Variants in IPO5 observed in about 807,000 individuals in gnomAD.
IPO5 encodes the protein importin-5.
IPO5 carries 18 observed loss-of-function variants against 143.3 expected under a neutral mutation model. That is an observed-to-expected ratio of 0.13 (90% CI 0.09 to 0.19). The LOEUF (loss-of-function observed/expected upper bound fraction) is 0.19, where lower values mean the gene tolerates loss of function less well. Ranked by LOEUF, IPO5 falls within the 10% of genes least tolerant of loss-of-function variation. The pLI is 1.00. For synonymous variants in IPO5, 477 were observed against 465.7 expected (o/e 1.02, Z -0.31); for missense variants, 1,013 against 1,336.9 (o/e 0.76, Z 3.78).
chr13:98,020,393 A>G (rs1351687136), intron 27 of IPO5, among the ~76,000 whole-genome samples: 1 of 152,258 alleles, frequency 6.6e-6, no homozygotes, highest in African/African-American at 2.4e-5. Context: ...TCAGGTTCAC[A>G]TAAGAAATGG....
chr13:97,995,191 T>TG (rs1232381545), intron 11 of IPO5, among the ~76,000 whole-genome samples: 2 of 148,600 alleles, frequency 1.3e-5, no homozygotes, highest in Non-Finnish European at 3.0e-5. Context: ...TTTTTTTTTT[T>TG]TTGTTTGTTT....
At chr13:97,990,343 A>G (rs1039899372) in intron 8 of IPO5, 90 bp from the exon 9 acceptor site, 5 of 1,177,688 alleles carry the variant, frequency 4.2e-6, no homozygotes, top group East Asian at 2.4e-5. Context: ...AGTTTTACTG[A>G]TAAAGAATAA....
chr13:97,996,099 CTTCT>C (rs1888262247), intron 11 of IPO5, among the ~76,000 whole-genome samples: 2 of 152,052 alleles, frequency 1.3e-5, no homozygotes, highest in South Asian at 2.1e-4. Context: ...TTGCTTTTTT[CTTCT>C]TTAAGATGGG....
chr13:97,966,014 T>G (rs1885298831), intron 2 of IPO5, among the ~76,000 whole-genome samples: 1 of 151,370 alleles, frequency 6.6e-6, no homozygotes, highest in Admixed American at 6.6e-5. Context: ...TGGTGGCTTG[T>G]GCCTTAATCC....
chr13:97,954,889 T>C (rs1362116831), intron 2 of IPO5, among the ~76,000 whole-genome samples: 1 of 152,206 alleles, frequency 6.6e-6, no homozygotes, highest in Non-Finnish European at 1.5e-5. Flanking sequence ...TTGTGTTAGC[T>C]TTCCAGTAGA....
rs534991412 is a variant in IPO5 at position 97,997,383 on chromosome 13, A to G, written c.914-148A>G. ...GCAAATATAACAAGGTTAAAATTTAACAAACCAGGTTTTGGGGGCACAGAC... is the reference window on the plus strand; with the variant it reads ...GCAAATATAACAAGGTTAAAATTTAGCAAACCAGGTTTTGGGGGCACAGAC... On this transcript the variant is annotated intron_variant, in intron 11 of 28. Transcript: ENST00000651721. 1.8e-5 allele frequency: 8 copies of G among 433,820 alleles called. No individual in the cohort carries two copies. The East Asian group carries it at 2.8e-4, about 15-fold the overall frequency. The allele number at this position is 433,820 out of a possible 1,614,324, so 26.9% of individuals were successfully genotyped here. A position where few individuals can be genotyped will look rare whatever the true frequency, so the allele number is the denominator to read the frequency against.
chr13:97,976,756 C>T lies in IPO5; in HGVS notation c.60C>T (p.Ser20=), dbSNP rs768918815. The T allele has an allele frequency of 2.1e-6, 3 of 1,416,640 alleles. No homozygotes were observed. In the South Asian group the frequency reaches 3.6e-5, roughly 17 times the overall value. The allele number at this position is 1,416,640 out of a possible 1,614,324, so 87.8% of individuals were successfully genotyped here. The part of the protein sequence containing the change: ...QFYLLLGNLL[S]PDNVVRKQAE... The stretch of plus-strand genomic sequence containing the variant: ...ACCTGCTCCTGGGAAACCTGCTCAG[C>T]CCCGACAATGTGGTCCGGAAACAGG... The change falls in exon 4 of 29, where the codon AGC becomes AGT. Residue 20 remains serine (S), a synonymous_variant. Coordinates refer to ENST00000651721, the MANE Select transcript of IPO5 (RefSeq NM_002271.6).
intron 2 of IPO5, among the ~76,000 whole-genome samples, chr13:97,961,450 G>C (rs1228676322): frequency 2.0e-5 from 3 of 152,150 alleles, no homozygotes; most frequent in African/African-American, 7.2e-5. Context: ...TCATGCCTCA[G>C]CCTCTCGAGT....
intron 22 of IPO5, among the ~76,000 whole-genome samples, chr13:98,014,749 A>C (rs547763652): frequency 4.6e-5 from 7 of 152,242 alleles, no homozygotes; most frequent in Non-Finnish European, 7.4e-5. Flanking sequence ...TGAATACTCT[A>C]GTATTTTAGT....
chr13:98,019,823 CTG>C lies in IPO5; in HGVS notation c.3065+17_3065+18del. ...CCTGATTGAAAGGTAGGAAAGCAGA[CTG>C]TGACCTTATTTCCTTCTCCTCCACA... On this transcript the variant is annotated intron_variant, in intron 27 of 28. Transcript: ENST00000651721. 1.3e-6 allele frequency: 2 copies of C among 1,544,810 alleles called. No homozygotes were observed. Among genetic ancestry groups the C allele is most frequent in the Non-Finnish European group, 8.9e-7 (1 of 1,117,524 alleles).
intron 2 of IPO5, among the ~76,000 whole-genome samples, chr13:97,955,815 C>T (rs1352942773): frequency 6.6e-6 from 1 of 152,090 alleles, no homozygotes; most frequent in Non-Finnish European, 1.5e-5. Context: ...CCTATACGCC[C>T]CACTCTGGAA....
At chr13:97,993,539 A>C (rs780518405) in intron 11 of IPO5, among the ~76,000 whole-genome samples, 3 of 152,240 alleles carry the variant, frequency 2.0e-5, no homozygotes, top group Admixed American at 6.5e-5. Context: ...CAGCGGGGAT[A>C]TATAGATGCA....
intron 12 of IPO5, among the ~76,000 whole-genome samples, chr13:97,998,663 C>G (rs1440466265): frequency 6.6e-6 from 1 of 152,164 alleles, no homozygotes; most frequent in South Asian, 2.1e-4. Flanking sequence ...AAACATAGCA[C>G]CTCTGAGCTC....
At chr13:98,009,782 A>T in intron 18 of IPO5, 99 bp from the exon 19 acceptor site, 2 of 899,760 alleles carry the variant, frequency 2.2e-6, no homozygotes, top group Non-Finnish European at 3.4e-6. Context: ...CTGTGAACAT[A>T]TCAATAAAAC....
In IPO5 at chr13:97,992,982, C is replaced by T. The variant is rs1887925745; in HGVS notation, c.760C>T (p.His254Tyr). Residue 254 changes from histidine to tyrosine, a missense_variant, in exon 10 of 29, where the codon CAC becomes TAC. Transcript: ENST00000651721. ...ADTVPKYLRP[H>Y]LEATLQLSLK... ...TACTGTTCCAAAGTATTTGCGTCCT[C>T]ACTTGGAAGCAACTCTACAGCTAAG... 2 of 1,613,500 alleles carry T rather than the reference C, an allele frequency of 1.2e-6. No individual in the cohort carries two copies. The highest frequency in any genetic ancestry group is 2.2e-5 in the South Asian group (2 of 91,020).
Position 97,990,527 on chromosome 13 carries a change from G to A in IPO5, c.659G>A (p.Gly220Glu), listed in dbSNP as rs1391472380. The change falls in exon 9 of 29, where the codon GGA becomes GAA. Residue 220 changes from glycine to glutamate, a missense_variant. By Grantham distance (98) the Gly-to-Glu change is moderately conservative. Coordinates refer to ENST00000651721, the MANE Select transcript of IPO5 (RefSeq NM_002271.6). Reference sequence around the variant, plus strand: ...AAACATTTTGCAGACTTGCTACCGGGATTCCTACAGGTATGAAAGCAATAT... The same window carrying A: ...AAACATTTTGCAGACTTGCTACCGGAATTCCTACAGGTATGAAAGCAATAT... The part of the protein sequence containing the change: ...LFKHFADLLP[G>E]FLQAVNDSCY... 1 of 1,566,928 alleles carries A rather than the reference G, an allele frequency of 6.4e-7. No individual in the cohort carries two copies.
At chr13:98,013,983 A>G in intron 21 of IPO5, 59 bp from the exon 22 acceptor site, 1 of 1,488,720 alleles carries the variant, frequency 6.7e-7, no homozygotes, top group Non-Finnish European at 9.1e-7. Flanking sequence ...AGTGCATTGA[A>G]CCCTTTAACA....
rs1364350691 is a variant in IPO5 at position 97,998,333 on chromosome 13, T to C, written c.1001+715T>C. On this transcript the variant is annotated intron_variant, in intron 12 of 28. Coordinates refer to ENST00000651721, the MANE Select transcript of IPO5 (RefSeq NM_002271.6). Reference sequence around the variant, plus strand: ...TTATTTCCAAGTTTTTTGTTGTTTTTGTTTTTGTTTTTAGTTTGAATATCT... The same window carrying C: ...TTATTTCCAAGTTTTTTGTTGTTTTCGTTTTTGTTTTTAGTTTGAATATCT... 2.0e-5 allele frequency among the ~76,000 whole-genome samples: 3 copies of C among 152,224 alleles called. No homozygotes were observed. The East Asian group carries it at 5.8e-4, about 29-fold the overall frequency.
intron 22 of IPO5, 101 bp from the exon 23 acceptor site, chr13:98,015,423 GGATACT>G (rs1890060525): frequency 1.5e-6 from 1 of 663,320 alleles, no homozygotes; most frequent in South Asian, 1.9e-5. Flanking sequence ...TAATCTTCCA[GGATACT>G]GAACTGTGTT....
Sources: allele counts gnomAD v4.1 joint callset (sites outside exome capture counted in the v4.1 genomes callset), GRCh38; gene constraint gnomAD v4.1.1; transcripts MANE v1.5; gene names NCBI Gene and HGNC (gene_info 2026-07-23, HGNC 2026-07-21).